The following CDC14A variants were observed in gnomAD, a reference collection of about 807,000 sequenced individuals.
The protein encoded by CDC14A is dual specificity protein phosphatase CDC14A.
CDC14A carries 53 observed loss-of-function variants against 74.4 expected under a neutral mutation model. That is an observed-to-expected ratio of 0.71 (90% CI 0.57 to 0.89). The LOEUF (loss-of-function observed/expected upper bound fraction) is 0.89. Ranked by LOEUF, CDC14A falls within the 40% of genes least tolerant of loss-of-function variation. The pLI is 0.00. For synonymous variants in CDC14A, 247 were observed against 258.4 expected, an observed-to-expected ratio of 0.96 and a Z score of 0.43; for missense variants, 646 against 713.7, an observed-to-expected ratio of 0.91 and a Z score of 1.08.
intron 6 of CDC14A, among the ~76,000 whole-genome samples, chr1:100,441,888 G>A (rs1363004458): frequency 2.0e-5 from 3 of 152,088 alleles, no homozygotes; most frequent in Non-Finnish European, 4.4e-5. Context: ...TGCTGATGGC[G>A]CATGTTCTGT....
chr1:100,418,454 C>T (rs1027407521), intron 4 of CDC14A, among the ~76,000 whole-genome samples: 2 of 151,988 alleles, frequency 1.3e-5, no homozygotes, highest in African/African-American at 2.4e-5. Context: ...TCCAGGCTAG[C>T]GGGTAGGGTT....
chr1:100,502,438 C>A (rs1648842712), intron 15 of CDC14A, among the ~76,000 whole-genome samples: 1 of 152,180 alleles, frequency 6.6e-6, no homozygotes, highest in Non-Finnish European at 1.5e-5. Flanking sequence ...GGTTTGCAGC[C>A]TAGAAGCAAT....
intron 8 of CDC14A, among the ~76,000 whole-genome samples, chr1:100,459,917 A>C (rs984928263): frequency 4.6e-5 from 7 of 152,216 alleles, no homozygotes; most frequent in African/African-American, 1.7e-4. Context: ...AAACCTACTC[A>C]CCAATTCTAA....
At chr1:100,435,823 T>TAAAAAAA (rs10545372) in intron 5 of CDC14A, among the ~76,000 whole-genome samples, 1 of 97,944 alleles carries the variant, frequency 1.0e-5, no homozygotes, top group Admixed American at 1.1e-4. Context: ...AGACTTCGTC[T>TAAAAAAA]AAAAAAAAAA....
At chr1:100,386,382 A>T (rs1239787609) in intron 3 of CDC14A, among the ~76,000 whole-genome samples, 1 of 152,138 alleles carries the variant, frequency 6.6e-6, no homozygotes, top group Non-Finnish European at 1.5e-5. Context: ...TTTAAACTTC[A>T]CTTTGCTATG....
rs188427266 is a variant in CDC14A at position 100,390,969 on chromosome 1, A to G, written c.309+145A>G. ...TGGGAATTGATCTGTAGTGAGAAAT[A>G]TGGACTAGCAGTGGTGGAATGTTTA... On this transcript the variant is annotated intron_variant, in intron 4 of 15. Transcript: ENST00000336454. The G allele has an allele frequency of 1.4e-3, 1,005 of 699,820 alleles. 9 individuals are homozygous for G. The Middle Eastern group carries it at 0.019, about 13-fold the overall frequency. 43.4% of individuals were successfully genotyped at this position (699,820 alleles called of 1,614,324 possible). A position where few individuals can be genotyped will look rare whatever the true frequency, so the allele number is the denominator to read the frequency against.
chr1:100,398,052 T>G (rs1197360879), intron 4 of CDC14A, among the ~76,000 whole-genome samples: 1 of 152,238 alleles, frequency 6.6e-6, no homozygotes, highest in Non-Finnish European at 1.5e-5. Context: ...CAATTGTTAG[T>G]TGTATGCCCT....
chr1:100,351,572 C>G (rs1651000130), upstream of CDC14A: 6 of 614,862 alleles, frequency 9.8e-6, no homozygotes, highest in Non-Finnish European at 1.7e-5. Context: ...AAAGAAATTC[C>G]TTTGTGTTAA....
chr1:100,519,954 C>G lies in CDC14A; in HGVS notation c.*1674C>G, dbSNP rs746125619. On this transcript the variant is annotated 3_prime_UTR_variant, in exon 16 of 16. Transcript: ENST00000336454. ...GGGAATCATGTTGACAGTTTTAGTT[C>G]TGTGAACACTAATTTGTGTGAAGCT... The G allele has an allele frequency of 3.3e-5, 5 of 151,804 alleles. No homozygotes were observed. Among genetic ancestry groups the G allele is most frequent in the Admixed American group, 6.6e-5 (1 of 15,232 alleles). The allele number at this position is 151,804 out of a possible 1,614,324, so 9.4% of individuals were successfully genotyped here.
At chr1:100,381,128 CA>C (rs1296681248) in intron 3 of CDC14A, among the ~76,000 whole-genome samples, 2 of 152,210 alleles carry the variant, frequency 1.3e-5, no homozygotes, top group Non-Finnish European at 2.9e-5. Context: ...GTGCCTAGTG[CA>C]GGGACAACAG....
chr1:100,353,868 G>GA lies in CDC14A; in HGVS notation c.140+16_140+17insA. ...TCTATGAAAAGTAAGTTTATGTTTT[G>GA]TTTTTTTTTCTCTTGGCCATTCAGC... On this transcript the variant is annotated intron_variant, in intron 2 of 15. Coordinates refer to ENST00000336454, the MANE Select transcript of CDC14A (RefSeq NM_003672.4). 6.8e-7 allele frequency: 1 copy of GA among 1,463,662 alleles called. No individual in the cohort carries two copies. The highest frequency in any genetic ancestry group is 9.4e-7 in the Non-Finnish European group (1 of 1,059,184). The allele number at this position is 1,463,662 out of a possible 1,614,324, so 90.7% of individuals were successfully genotyped here.
At chr1:100,434,509 A>C (rs546587326) in intron 5 of CDC14A, among the ~76,000 whole-genome samples, 1 of 152,246 alleles carries the variant, frequency 6.6e-6, no homozygotes, top group African/African-American at 2.4e-5. Flanking sequence ...CTCTGGCTTC[A>C]GTGAAGAAAA....
intron 4 of CDC14A, 100 bp downstream of exon 4, chr1:100,390,924 G>A (rs892727084): frequency 3.8e-6 from 3 of 798,476 alleles, no homozygotes; most frequent in Non-Finnish European, 6.5e-6. Context: ...ATTGAGAGAC[G>A]GTGGAGATTA....
At chr1:100,500,877 A>G (rs1400043989) in intron 15 of CDC14A, among the ~76,000 whole-genome samples, 1 of 142,378 alleles carries the variant, frequency 7.0e-6, no homozygotes, top group African/African-American at 2.6e-5. Context: ...CATTAGATTC[A>G]TTACCACTCC....
intron 15 of CDC14A, among the ~76,000 whole-genome samples, chr1:100,517,982 T>C (rs1318126412): frequency 5.9e-5 from 9 of 152,222 alleles, no homozygotes; most frequent in Admixed American, 6.5e-5. Context: ...ACCTACCGAT[T>C]TTTAAATTAA....
At chr1:100,469,448 T>C (rs1668173902) in intron 10 of CDC14A, among the ~76,000 whole-genome samples, 1 of 152,224 alleles carries the variant, frequency 6.6e-6, no homozygotes, top group South Asian at 2.1e-4. Context: ...AAGATAATTC[T>C]GTTATTTTGG....
chr1:100,455,380 C>G, intron 7 of CDC14A, 25 bp from the exon 8 acceptor site: 1 of 1,492,410 alleles, frequency 6.7e-7, no homozygotes, highest in Non-Finnish European at 9.3e-7. Flanking sequence ...TATTTTTCTT[C>G]TCTTTTCTTA....
intron 15 of CDC14A, among the ~76,000 whole-genome samples, chr1:100,502,618 A>G (rs1364766066): frequency 6.6e-6 from 1 of 152,246 alleles, no homozygotes; most frequent in East Asian, 1.9e-4. Context: ...TACATACGTA[A>G]AGGTATTGTG....
At chr1:100,388,146 TC>T (rs1657134819) in intron 3 of CDC14A, among the ~76,000 whole-genome samples, 1 of 152,160 alleles carries the variant, frequency 6.6e-6, no homozygotes, top group Admixed American at 6.5e-5. Context: ...GAGCGTCGAG[TC>T]CCTATGCTCA....
Sources: gnomAD v4.1 joint callset for allele counts (sites outside exome capture counted in the v4.1 genomes callset) on GRCh38, gnomAD v4.1.1 for gene constraint, MANE v1.5 for transcripts, NCBI Gene and HGNC (gene_info 2026-07-23, HGNC 2026-07-21) for gene names.